The following CCDC172 variants were observed in gnomAD, a reference collection of about 807,000 sequenced individuals.
CCDC172 encodes the protein coiled-coil domain-containing protein 172.
CCDC172 carries 30 observed loss-of-function variants against 38.0 expected under a neutral mutation model. The observed-to-expected ratio is 0.79, with a 90% confidence interval of 0.59 to 1.07. The LOEUF is 1.07. Ranked by LOEUF, CCDC172 falls within the 50% of genes least tolerant of loss-of-function variation. The probability of loss-of-function intolerance (pLI) is 0.00; values close to 1 mark genes in which losing one functional copy is unlikely to be tolerated. For missense variants in CCDC172, 297 were observed against 290.1 expected, an observed-to-expected ratio of 1.02 and a Z score of -0.17; for synonymous variants, 78 against 88.3, an observed-to-expected ratio of 0.88 and a Z score of 0.66.
At chr10:116,336,141 T>C (rs1844729750) in intron 3 of CCDC172, among the ~76,000 whole-genome samples, 1 of 151,494 alleles carries the variant, frequency 6.6e-6, no homozygotes, top group Non-Finnish European at 1.5e-5. Context: ...CACTTCAGCC[T>C]GGGCGACAAG....
At chr10:116,358,455 A>T (rs1845027259) in intron 7 of CCDC172, among the ~76,000 whole-genome samples, 1 of 152,186 alleles carries the variant, frequency 6.6e-6, no homozygotes, top group South Asian at 2.1e-4. Flanking sequence ...CACAAGGAGT[A>T]AAGACCTCAA....
intron 5 of CCDC172, among the ~76,000 whole-genome samples, chr10:116,352,997 T>C (rs1219269877): frequency 2.0e-5 from 3 of 151,838 alleles, no homozygotes; most frequent in Non-Finnish European, 2.9e-5. Flanking sequence ...ATCAAGACCA[T>C]CCTGGCTAAC....
chr10:116,342,218 C>A lies in CCDC172; in HGVS notation c.448+17C>A. 1 of 1,514,432 alleles carries A rather than the reference C, an allele frequency of 6.6e-7. No homozygotes were observed. 93.8% of individuals were successfully genotyped at this position (1,514,432 alleles called of 1,614,324 possible). On this transcript the variant is annotated intron_variant, in intron 5 of 8. Transcript: ENST00000333254. ...TGAAAAGTGGTATGAATAAATATCA[C>A]CTCATTTGTCTTGCATTAATGAAAA...
intron 3 of CCDC172, among the ~76,000 whole-genome samples, chr10:116,328,058 A>G (rs996813870): frequency 2.0e-5 from 3 of 152,094 alleles, no homozygotes; most frequent in Non-Finnish European, 4.4e-5. Context: ...CATTCAGAAA[A>G]TTTGGGGGGC....
Position 116,379,507 on chromosome 10 carries a change from G to T in CCDC172, c.*149G>T. ...ATTCAAATTGTTATTATCTAGAAAT[G>T]ATGTGTTAGCCCTTTAAGATAATTT... is the stretch of plus-strand genomic sequence containing the variant. On this transcript the variant is annotated 3_prime_UTR_variant, in exon 9 of 9. Transcript: ENST00000333254. 2.2e-6 allele frequency: 1 copy of T among 452,334 alleles called. No individual in the cohort carries two copies. The allele number at this position is 452,334 out of a possible 1,614,324, so 28.0% of individuals were successfully genotyped here.
intron 3 of CCDC172, among the ~76,000 whole-genome samples, chr10:116,340,483 G>A (rs1844778376): frequency 6.6e-6 from 1 of 151,764 alleles, no homozygotes; most frequent in South Asian, 2.1e-4. Flanking sequence ...GAAAAAGAAA[G>A]CACATTCTCT....
chr10:116,363,467 TA>T (rs1241016946), intron 7 of CCDC172, among the ~76,000 whole-genome samples: 4 of 152,170 alleles, frequency 2.6e-5, no homozygotes, highest in Admixed American at 2.6e-4. Flanking sequence ...TTAAATAGAA[TA>T]ATTTTGTGCT....
intron 7 of CCDC172, among the ~76,000 whole-genome samples, chr10:116,361,048 T>C (rs1845058213): frequency 6.0e-5 from 1 of 16,608 alleles, no homozygotes; most frequent in Admixed American, 9.4e-4. Context: ...TTATTATTAT[T>C]ATTATTATTA....
intron 3 of CCDC172, among the ~76,000 whole-genome samples, chr10:116,335,884 G>C (rs1844725362): frequency 6.6e-6 from 1 of 151,644 alleles, no homozygotes; most frequent in Middle Eastern, 3.4e-3. Flanking sequence ...TATAATAATG[G>C]GGCCAGGTGC....
chr10:116,357,068 AT>A (rs1252095723), intron 5 of CCDC172, among the ~76,000 whole-genome samples: 1 of 151,962 alleles, frequency 6.6e-6, no homozygotes, highest in Admixed American at 6.6e-5. Flanking sequence ...CTTAAAATAG[AT>A]TTTTTGCATT....
chr10:116,370,014 A>G (rs1190942788), intron 7 of CCDC172, among the ~76,000 whole-genome samples: 1 of 151,754 alleles, frequency 6.6e-6, no homozygotes, highest in Non-Finnish European at 1.5e-5. Context: ...TTAACTACCT[A>G]TCTATGACTT....
chr10:116,350,228 C>T (rs1407870440), intron 5 of CCDC172, among the ~76,000 whole-genome samples: 1 of 152,148 alleles, frequency 6.6e-6, no homozygotes, highest in African/African-American at 2.4e-5. Context: ...AATAGGATTA[C>T]TTTGACTGCT....
At chr10:116,344,050 A>C (rs1283560674) in intron 5 of CCDC172, among the ~76,000 whole-genome samples, 1 of 152,202 alleles carries the variant, frequency 6.6e-6, no homozygotes, top group Non-Finnish European at 1.5e-5. Context: ...ACAACCATTA[A>C]GGAAATAATC....
At chr10:116,363,947 A>AAT (rs1565722282) in intron 7 of CCDC172, among the ~76,000 whole-genome samples, 1 of 134,152 alleles carries the variant, frequency 7.5e-6, no homozygotes. Context: ...AAAAAAAAAA[A>AAT]AATAATAATA....
At chr10:116,371,579 ATCTT>A (rs1432535696) in intron 7 of CCDC172, among the ~76,000 whole-genome samples, 3 of 152,064 alleles carry the variant, frequency 2.0e-5, no homozygotes, top group Non-Finnish European at 4.4e-5. Context: ...TTTTCCTTAT[ATCTT>A]CATAATTTAG....
chr10:116,368,149 T>C (rs974172284), intron 7 of CCDC172, among the ~76,000 whole-genome samples: 2 of 152,154 alleles, frequency 1.3e-5, no homozygotes, highest in African/African-American at 4.8e-5. Context: ...GATCCCTTAG[T>C]TAAGATTACA....
chr10:116,367,444 G>A (rs1307951882), intron 7 of CCDC172, among the ~76,000 whole-genome samples: 1 of 152,060 alleles, frequency 6.6e-6, no homozygotes, highest in Non-Finnish European at 1.5e-5. Flanking sequence ...AATCCCAGCA[G>A]TTTGGGAGGC....
intron 5 of CCDC172, among the ~76,000 whole-genome samples, chr10:116,343,726 A>G (rs1401048243): frequency 6.6e-6 from 1 of 152,132 alleles, no homozygotes; most frequent in African/African-American, 2.4e-5. Context: ...TCACTTCATT[A>G]GGGAAAAGCC....
chr10:116,337,527 T>G (rs1413543934), intron 3 of CCDC172, among the ~76,000 whole-genome samples: 1 of 152,170 alleles, frequency 6.6e-6, no homozygotes, highest in African/African-American at 2.4e-5. Flanking sequence ...AGAGAAAATT[T>G]TATCACTGCC....
Sources: gnomAD v4.1 joint callset for allele counts (sites outside exome capture counted in the v4.1 genomes callset) on GRCh38, gnomAD v4.1.1 for gene constraint, MANE v1.5 for transcripts, NCBI Gene and HGNC (gene_info 2026-07-23, HGNC 2026-07-21) for gene names.